The following EPHA3 variants were observed in gnomAD, a reference collection of about 807,000 sequenced individuals.
EPHA3 encodes the protein ephrin type-A receptor 3.
EPHA3 carries 42 observed loss-of-function variants against 107.1 expected under a neutral mutation model. That is an observed-to-expected ratio of 0.39 (90% CI 0.31 to 0.51). The LOEUF (loss-of-function observed/expected upper bound fraction) is 0.51, where lower values mean the gene tolerates loss of function less well. EPHA3 is among the 20% of genes least tolerant of loss of function. The pLI is 0.78. For missense variants in EPHA3, 1,183 were observed against 1,211.2 expected (o/e 0.98, Z 0.35); for synonymous variants, 461 against 424.8 (o/e 1.09, Z -1.05).
At chr3:89,427,843 A>C (rs1232159547) in intron 11 of EPHA3, among the ~76,000 whole-genome samples, 1 of 151,956 alleles carries the variant, frequency 6.6e-6, no homozygotes, top group African/African-American at 2.4e-5. Flanking sequence ...GCAATGTTAC[A>C]TAATTCTAAT....
chr3:89,135,457 T>G (rs901473627), intron 2 of EPHA3, among the ~76,000 whole-genome samples: 8 of 152,268 alleles, frequency 5.3e-5, no homozygotes, highest in African/African-American at 1.9e-4. Context: ...TAATTAAAAT[T>G]ATCTAAAAAA....
chr3:89,217,914 G>C (rs1704256525), intron 3 of EPHA3, among the ~76,000 whole-genome samples: 1 of 152,122 alleles, frequency 6.6e-6, no homozygotes, highest in Admixed American at 6.5e-5. Context: ...TAAATAATTG[G>C]TAAGGAACAT....
intron 3 of EPHA3, among the ~76,000 whole-genome samples, chr3:89,316,336 C>T (rs1201894576): frequency 6.6e-6 from 1 of 151,330 alleles, no homozygotes; most frequent in Non-Finnish European, 1.5e-5. Flanking sequence ...GTGTCAAAAA[C>T]AACAGGCCAC....
At chr3:89,170,138 C>T (rs540346035) in intron 2 of EPHA3, among the ~76,000 whole-genome samples, 2 of 151,966 alleles carry the variant, frequency 1.3e-5, no homozygotes, top group East Asian at 3.9e-4. Context: ...GTGGTCCCAG[C>T]TGCTCTGCTC....
At chr3:89,109,753 T>C (rs565026173) in intron 1 of EPHA3, among the ~76,000 whole-genome samples, 2 of 152,038 alleles carry the variant, frequency 1.3e-5, no homozygotes, top group East Asian at 1.9e-4. Flanking sequence ...ATTAACCATA[T>C]GGATATAGAA....
intron 13 of EPHA3, among the ~76,000 whole-genome samples, chr3:89,436,804 T>C (rs1709680853): frequency 1.3e-5 from 2 of 152,188 alleles, no homozygotes; most frequent in South Asian, 2.1e-4. Context: ...TCCTTCCTTA[T>C]GTTCTCGACA....
chr3:89,353,951 C>A (rs1043077750), intron 5 of EPHA3, among the ~76,000 whole-genome samples: 1 of 151,186 alleles, frequency 6.6e-6, no homozygotes, highest in African/African-American at 2.4e-5. Context: ...TTACAACTTT[C>A]ATTCAAGAGT....
At chr3:89,367,424 T>G (rs577137048) in intron 5 of EPHA3, among the ~76,000 whole-genome samples, 1 of 150,762 alleles carries the variant, frequency 6.6e-6, no homozygotes, top group African/African-American at 2.4e-5. Context: ...ACTGCTCTTA[T>G]AGGTGAAGTG....
chr3:89,112,050 C>A (rs745688376), intron 1 of EPHA3, among the ~76,000 whole-genome samples: 5 of 151,912 alleles, frequency 3.3e-5, no homozygotes, highest in Non-Finnish European at 5.9e-5. Context: ...GTTGGATATA[C>A]TTCTAATTCA....
intron 5 of EPHA3, among the ~76,000 whole-genome samples, chr3:89,375,948 G>C (rs1277889556): frequency 6.6e-6 from 1 of 151,874 alleles, no homozygotes; most frequent in Non-Finnish European, 1.5e-5. Context: ...TCTCCATAAA[G>C]GCAGGCGACA....
At chr3:89,343,933 T>A (rs1393451074) in intron 5 of EPHA3, among the ~76,000 whole-genome samples, 1 of 152,200 alleles carries the variant, frequency 6.6e-6, no homozygotes, top group Non-Finnish European at 1.5e-5. Context: ...TATTTAACTG[T>A]CTTCTATGGG....
At chr3:89,339,522 A>C (rs1420681334) in intron 3 of EPHA3, among the ~76,000 whole-genome samples, 1 of 152,188 alleles carries the variant, frequency 6.6e-6, no homozygotes, top group East Asian at 1.9e-4. Context: ...GGAACTAGAA[A>C]ACAGTAAGAC....
chr3:89,352,121 G>A lies in EPHA3; in HGVS notation c.1306+10031G>A, dbSNP rs140307697. ...TAGAAGGTGCACTAATTTATGTAAAGGAAAAGATCTTTGAGGCTGTTAGCT... is the reference window on the plus strand; with the variant it reads ...TAGAAGGTGCACTAATTTATGTAAAAGAAAAGATCTTTGAGGCTGTTAGCT... On this transcript the variant is annotated intron_variant, in intron 5 of 16. Coordinates refer to ENST00000336596, the MANE Select transcript of EPHA3 (RefSeq NM_005233.6). Among the ~76,000 whole-genome samples, 430 of 151,212 alleles carry A rather than the reference G, an allele frequency of 2.8e-3. 5 individuals are homozygous for A. The highest frequency in any genetic ancestry group is 0.013 in the East Asian group (68 of 5,146).
chr3:89,370,217 T>C (rs968757843), intron 5 of EPHA3, among the ~76,000 whole-genome samples: 2 of 150,950 alleles, frequency 1.3e-5, no homozygotes, highest in African/African-American at 4.8e-5. Context: ...CCTATGTTTA[T>C]TGCAACAATA....
intron 2 of EPHA3, among the ~76,000 whole-genome samples, chr3:89,198,069 C>G (rs1045467703): frequency 5.3e-5 from 8 of 152,124 alleles, no homozygotes; most frequent in African/African-American, 1.9e-4. Context: ...AAGAGTAAAA[C>G]AGACTTACAC....
chr3:89,246,768 T>C (rs1705043085), intron 3 of EPHA3, among the ~76,000 whole-genome samples: 1 of 152,236 alleles, frequency 6.6e-6, no homozygotes, highest in South Asian at 2.1e-4. Context: ...TCCAGGCTTT[T>C]CAGATATTCA....
intron 3 of EPHA3, among the ~76,000 whole-genome samples, chr3:89,259,466 A>G (rs1705365547): frequency 6.6e-6 from 1 of 152,370 alleles, no homozygotes; most frequent in Non-Finnish European, 1.5e-5. Context: ...TGTTGAATTA[A>G]CTAACAAATC....
At chr3:89,372,645 A>C (rs1381973472) in intron 5 of EPHA3, among the ~76,000 whole-genome samples, 1 of 151,756 alleles carries the variant, frequency 6.6e-6, no homozygotes, top group African/African-American at 2.4e-5. Context: ...TGTTCGACAA[A>C]TGTGTTTTAA....
chr3:89,127,462 G>T (rs1704118550), intron 2 of EPHA3, among the ~76,000 whole-genome samples, 189 bp downstream of exon 2: 1 of 151,904 alleles, frequency 6.6e-6, no homozygotes, highest in South Asian at 2.1e-4. Context: ...GAATTTTGAA[G>T]ATTTTTTTTC....
Sources: allele counts gnomAD v4.1 joint callset (sites outside exome capture counted in the v4.1 genomes callset), GRCh38; gene constraint gnomAD v4.1.1; transcripts MANE v1.5; gene names NCBI Gene and HGNC (gene_info 2026-07-23, HGNC 2026-07-21).